The following KCNIP4 variants were observed in gnomAD, a reference collection of about 807,000 sequenced individuals.
The protein encoded by KCNIP4 is Kv channel-interacting protein 4.
In KCNIP4, 12 loss-of-function variants were observed where a neutral mutation model predicts 34.0. That is an observed-to-expected ratio of 0.35 (90% CI 0.23 to 0.57). KCNIP4 has a LOEUF of 0.57. KCNIP4 is among the 20% of genes least tolerant of loss of function. The pLI is 0.83. For synonymous variants in KCNIP4, 124 were observed against 102.2 expected, an observed-to-expected ratio of 1.21 and a Z score of -1.29; for missense variants, 238 against 311.7, an observed-to-expected ratio of 0.76 and a Z score of 1.78.
intron 1 of KCNIP4, among the ~76,000 whole-genome samples, chr4:21,711,480 C>CA (rs1713724717): frequency 6.8e-6 from 1 of 147,304 alleles, no homozygotes; most frequent in South Asian, 2.2e-4. Flanking sequence ...GACTCCGTCT[C>CA]AAAAAAACAA....
chr4:21,111,529 C>T (rs1749166190), intron 1 of KCNIP4, among the ~76,000 whole-genome samples: 1 of 152,172 alleles, frequency 6.6e-6, no homozygotes, highest in African/African-American at 2.4e-5. Context: ...CAGGTAGGAA[C>T]AGAAAAAGTC....
rs181906708 is a variant in KCNIP4, at chr4:21,935,406, C to T, written c.61+13165G>A. Among the ~76,000 whole-genome samples, 447 of 152,162 alleles carry T rather than the reference C, an allele frequency of 2.9e-3. 1 individual carries two copies. The highest frequency in any genetic ancestry group is 4.4e-3 in the Non-Finnish European group (301 of 67,980). On this transcript the variant is annotated intron_variant, in intron 1 of 8. Coordinates refer to ENST00000382152, the MANE Select transcript of KCNIP4 (RefSeq NM_025221.6). ...ATAAAATCCACGTTTCTTAGACTCTCCAATCTCATGTCACAGCCTCATCAC... is the reference window on the plus strand; with the variant it reads ...ATAAAATCCACGTTTCTTAGACTCTTCAATCTCATGTCACAGCCTCATCAC...
intron 1 of KCNIP4, among the ~76,000 whole-genome samples, chr4:20,922,559 A>ATCTG (rs1560572658): frequency 1.8e-5 from 2 of 111,082 alleles, no homozygotes; most frequent in Non-Finnish European, 4.0e-5. Context: ...CTATCTATCT[A>ATCTG]TCTATCTATC....
At chr4:21,112,082 CATCT>C (rs758014629) in intron 1 of KCNIP4, among the ~76,000 whole-genome samples, 2 of 91,052 alleles carry the variant, frequency 2.2e-5, no homozygotes, top group East Asian at 4.8e-4. Flanking sequence ...TCATCTATAT[CATCT>C]ATCTATCTAC....
chr4:20,876,127 G>T (rs1577297871), intron 2 of KCNIP4, among the ~76,000 whole-genome samples: 1 of 152,172 alleles, frequency 6.6e-6, no homozygotes, highest in Admixed American at 6.6e-5. Flanking sequence ...CACTGAGATA[G>T]TGCTGGGTAG....
intron 1 of KCNIP4, among the ~76,000 whole-genome samples, chr4:21,640,824 T>C (rs1036377782): frequency 1.3e-5 from 2 of 152,156 alleles, no homozygotes; most frequent in South Asian, 2.1e-4. Flanking sequence ...ACTGGGGTCA[T>C]ATGATCCAGC....
Position 21,086,859 on chromosome 4 carries a change from C to T in KCNIP4, c.62-204150G>A, listed in dbSNP as rs1023227480. ...CACATGTTCCTTTAAGTGGCAGACT[C>T]TTTTCTTTCCCTCTTTCCCTCCCTC... is the stretch of plus-strand genomic sequence containing the variant. On this transcript the variant is annotated intron_variant, in intron 1 of 8. Transcript: ENST00000382152. 2.0e-5 allele frequency among the ~76,000 whole-genome samples: 3 copies of T among 151,870 alleles called. No individual in the cohort carries two copies. The South Asian group carries it at 6.2e-4, about 32-fold the overall frequency.
At chr4:21,669,470 C>T (rs963357372) in intron 1 of KCNIP4, among the ~76,000 whole-genome samples, 2 of 152,146 alleles carry the variant, frequency 1.3e-5, no homozygotes, top group African/African-American at 4.8e-5. Flanking sequence ...ATACATGTAA[C>T]ATATAAAATA....
At chr4:21,039,509 A>G (rs1741764566) in intron 1 of KCNIP4, among the ~76,000 whole-genome samples, 1 of 152,136 alleles carries the variant, frequency 6.6e-6, no homozygotes, top group South Asian at 2.1e-4. Flanking sequence ...TACTCTATTT[A>G]TTAAATTCAT....
At chr4:21,483,055 A>C (rs1249758235) in intron 1 of KCNIP4, among the ~76,000 whole-genome samples, 1 of 125,708 alleles carries the variant, frequency 8.0e-6, no homozygotes, top group Admixed American at 9.4e-5. Context: ...AGGAAGGGGA[A>C]CATCACACAC....
chr4:20,802,186 T>G (rs146230951), intron 3 of KCNIP4, among the ~76,000 whole-genome samples: 1 of 89,746 alleles, frequency 1.1e-5, no homozygotes, highest in Non-Finnish European at 2.4e-5. Context: ...ATATATATGC[T>G]ATATATATGC....
At position 21,715,136 on chromosome 4, in the gene KCNIP4, A is replaced by G. The variant is rs112927029; in HGVS notation, c.61+233435T>C. 2.7e-4 allele frequency among the ~76,000 whole-genome samples: 39 copies of G among 144,138 alleles called. 1 individual carries two copies. The highest frequency in any genetic ancestry group is 9.7e-4 in the African/African-American group (35 of 35,898). 94.6% of individuals were successfully genotyped at this position (144,138 alleles called of 152,430 possible). Reference sequence around the variant, plus strand: ...GGCTGTGTCGCCCAGGCTGGAGTGCAGTGGCCCCATCTGGGCTCACTGCAA... The same window carrying G: ...GGCTGTGTCGCCCAGGCTGGAGTGCGGTGGCCCCATCTGGGCTCACTGCAA... On this transcript the variant is annotated intron_variant, in intron 1 of 8. Transcript: ENST00000382152.
intron 1 of KCNIP4, among the ~76,000 whole-genome samples, chr4:21,837,776 A>G (rs1188243620): frequency 6.6e-6 from 1 of 152,092 alleles, no homozygotes; most frequent in African/African-American, 2.4e-5. Flanking sequence ...GACAGAAAGA[A>G]AATTTTATAA....
At chr4:21,577,732 G>C (rs1043486729) in intron 1 of KCNIP4, among the ~76,000 whole-genome samples, 3 of 152,082 alleles carry the variant, frequency 2.0e-5, no homozygotes, top group Non-Finnish European at 1.5e-5. Context: ...TTCCTCTGCT[G>C]CAGCTGGCAT....
chr4:20,998,048 A>G (rs1333805598), intron 1 of KCNIP4, among the ~76,000 whole-genome samples: 2 of 152,220 alleles, frequency 1.3e-5, no homozygotes, highest in Non-Finnish European at 2.9e-5. Context: ...AGTGAGAGAG[A>G]AGATAATCTG....
At chr4:21,057,957 C>A (rs1434939811) in intron 1 of KCNIP4, among the ~76,000 whole-genome samples, 2 of 152,010 alleles carry the variant, frequency 1.3e-5, no homozygotes, top group East Asian at 3.8e-4. Context: ...AGAGTTCAGG[C>A]AATGCATGCT....
chr4:21,675,028 A>C (rs1023707644), intron 1 of KCNIP4, among the ~76,000 whole-genome samples: 3 of 152,196 alleles, frequency 2.0e-5, no homozygotes, highest in African/African-American at 7.2e-5. Context: ...ACAATAGCTA[A>C]GATTTGGAAG....
chr4:21,127,632 G>A (rs544145042), intron 1 of KCNIP4, among the ~76,000 whole-genome samples: 3 of 152,082 alleles, frequency 2.0e-5, no homozygotes, highest in Non-Finnish European at 4.4e-5. Flanking sequence ...TTAGAACCTA[G>A]CCCATAATAG....
intron 1 of KCNIP4, among the ~76,000 whole-genome samples, chr4:21,199,142 C>T (rs897955975): frequency 2.0e-5 from 3 of 152,178 alleles, no homozygotes; most frequent in South Asian, 4.1e-4. Flanking sequence ...CTTGAGGAAT[C>T]GCCACACTAA....
Sources: gnomAD v4.1 joint callset for allele counts (sites outside exome capture counted in the v4.1 genomes callset) on GRCh38, gnomAD v4.1.1 for gene constraint, MANE v1.5 for transcripts, NCBI Gene and HGNC (gene_info 2026-07-23, HGNC 2026-07-21) for gene names.